The following IQCJ variants were observed in gnomAD, a reference collection of about 807,000 sequenced individuals.
The protein encoded by IQCJ is IQ motif containing J.
Under a neutral mutation model 11.0 loss-of-function variants are expected in IQCJ, and 9 were observed. That is an observed-to-expected ratio of 0.82 (90% CI 0.49 to 1.43). The LOEUF (loss-of-function observed/expected upper bound fraction) is 1.43. Ranked by LOEUF, IQCJ falls within the 40% of genes most tolerant of loss-of-function variation. The pLI, the probability that IQCJ is intolerant of heterozygous loss-of-function variation, is 0.00. For synonymous variants in IQCJ, 55 were observed against 51.3 expected (o/e 1.07, Z -0.31); for missense variants, 146 against 133.2 (o/e 1.10, Z -0.47).
At chr3:159,234,041 G>A (rs947318391) in intron 1 of IQCJ, among the ~76,000 whole-genome samples, 1 of 152,090 alleles carries the variant, frequency 6.6e-6, no homozygotes, top group African/African-American at 2.4e-5. Flanking sequence ...TACTCACACT[G>A]GTGTAAGTCC....
chr3:159,187,161 C>T (rs555643233), intron 1 of IQCJ, among the ~76,000 whole-genome samples: 69 of 152,318 alleles, frequency 4.5e-4, no homozygotes, highest in African/African-American at 1.6e-3. Context: ...ATTTACTGAG[C>T]TCTTATTAGA....
intron 1 of IQCJ, among the ~76,000 whole-genome samples, chr3:159,189,960 A>G (rs1050087108): frequency 3.5e-4 from 53 of 152,188 alleles, no homozygotes; most frequent in African/African-American, 1.2e-3. Flanking sequence ...TAACAAACCC[A>G]TTTGTATCAA....
In IQCJ at chr3:159,245,890, A is replaced by G. The variant is rs181641808; in HGVS notation, c.57A>G (p.Gly19=). 1.9e-3 allele frequency: 2,987 copies of G among 1,542,856 alleles called. 3 individuals are homozygous for G. The highest frequency in any genetic ancestry group is 2.4e-3 in the Non-Finnish European group (2,747 of 1,138,768). The change falls in exon 2 of 4, where the codon GGA becomes GGG. Residue 19 remains glycine (G), a synonymous_variant. Transcript: ENST00000397832. ...ATCCTCTAGAACAAGTTAATGATGG[A>G]AAATATTCATTTGAAAAGTAAGTAA... ...LQNPLEQVND[G]KYSFENHQLA...
intron 1 of IQCJ, among the ~76,000 whole-genome samples, chr3:159,193,877 T>C (rs986815581): frequency 3.3e-5 from 5 of 152,214 alleles, no homozygotes; most frequent in South Asian, 2.1e-4. Flanking sequence ...ACTCTCCAAC[T>C]CTACCACCAT....
chr3:159,156,819 A>C (rs1426389467), intron 1 of IQCJ, among the ~76,000 whole-genome samples: 1 of 152,220 alleles, frequency 6.6e-6, no homozygotes, highest in African/African-American at 2.4e-5. Context: ...GCCCCAATCA[A>C]TAAAAAGGCC....
Position 159,095,108 on chromosome 3 carries a change from T to C in IQCJ, c.9+25667T>C, listed in dbSNP as rs566693332. ...TCTTTTTCTATAGTTATTATTATACTGTAGTTCTTAATTTCTTGCCAATCA... is the reference window on the plus strand; with the variant it reads ...TCTTTTTCTATAGTTATTATTATACCGTAGTTCTTAATTTCTTGCCAATCA... On this transcript the variant is annotated intron_variant, in intron 1 of 3. Coordinates refer to ENST00000397832, the MANE Select transcript of IQCJ (RefSeq NM_001042706.3). Among the ~76,000 whole-genome samples the C allele has an allele frequency of 2.6e-5, 4 of 152,026 alleles. No individual in the cohort carries two copies. In the East Asian group the frequency reaches 7.7e-4, roughly 29 times the overall value.
At chr3:159,152,996 T>C (rs1294618713) in intron 1 of IQCJ, among the ~76,000 whole-genome samples, 4 of 152,190 alleles carry the variant, frequency 2.6e-5, no homozygotes, top group African/African-American at 4.8e-5. Flanking sequence ...AAAAAATTAT[T>C]TTGAGTTCCT....
intron 1 of IQCJ, among the ~76,000 whole-genome samples, chr3:159,218,178 A>G (rs7620642): frequency 1.5e-3 from 232 of 152,202 alleles, no homozygotes; most frequent in African/African-American, 5.4e-3. Context: ...ATGTGATGAA[A>G]TGAAGTTTTT....
chr3:159,072,074 T>C (rs77027551), intron 1 of IQCJ, among the ~76,000 whole-genome samples: 1 of 152,274 alleles, frequency 6.6e-6, no homozygotes, highest in East Asian at 1.9e-4. Flanking sequence ...AAAGGAGGTG[T>C]CAAGGAGGGA....
chr3:159,115,247 G>T (rs1236790325), intron 1 of IQCJ, among the ~76,000 whole-genome samples: 1 of 152,104 alleles, frequency 6.6e-6, no homozygotes, highest in Non-Finnish European at 1.5e-5. Context: ...CTCTTCCATG[G>T]CTCTGTCATC....
At chr3:159,257,887 G>A (rs1727987747) in intron 3 of IQCJ, among the ~76,000 whole-genome samples, 1 of 152,144 alleles carries the variant, frequency 6.6e-6, no homozygotes, top group Admixed American at 6.5e-5. Flanking sequence ...CAAACGTAAT[G>A]GGGAGGCAGG....
chr3:159,132,828 A>T (rs1264512976), intron 1 of IQCJ, among the ~76,000 whole-genome samples: 1 of 152,184 alleles, frequency 6.6e-6, no homozygotes, highest in African/African-American at 2.4e-5. Flanking sequence ...TTTTGGAAAG[A>T]AAAGCAAAAA....
At chr3:159,194,666 A>G (rs1723881624) in intron 1 of IQCJ, among the ~76,000 whole-genome samples, 1 of 152,158 alleles carries the variant, frequency 6.6e-6, no homozygotes, top group Non-Finnish European at 1.5e-5. Flanking sequence ...TAGTATATCT[A>G]TTTTAGCATC....
chr3:159,090,371 G>A (rs1457909432), intron 1 of IQCJ, among the ~76,000 whole-genome samples: 3 of 151,806 alleles, frequency 2.0e-5, no homozygotes, highest in Non-Finnish European at 4.4e-5. Flanking sequence ...CTTCTGCGTC[G>A]CTCACGCTGG....
chr3:159,125,152 A>T (rs954470946), intron 1 of IQCJ, among the ~76,000 whole-genome samples: 2 of 152,240 alleles, frequency 1.3e-5, no homozygotes, highest in Non-Finnish European at 2.9e-5. Context: ...TTGATAGTGC[A>T]TGTCCTTGAC....
intron 1 of IQCJ, among the ~76,000 whole-genome samples, chr3:159,171,518 C>T (rs763523291): frequency 6.6e-6 from 1 of 152,166 alleles, no homozygotes. Flanking sequence ...AATGCTGATG[C>T]TGCAGATTCA....
At chr3:159,184,420 T>C (rs1022764198) in intron 1 of IQCJ, among the ~76,000 whole-genome samples, 1 of 152,236 alleles carries the variant, frequency 6.6e-6, no homozygotes, top group Non-Finnish European at 1.5e-5. Flanking sequence ...CTTATAGCTC[T>C]TCTCAATGTC....
At chr3:159,212,739 G>T (rs980136321) in intron 1 of IQCJ, among the ~76,000 whole-genome samples, 2 of 152,152 alleles carry the variant, frequency 1.3e-5, no homozygotes, top group African/African-American at 4.8e-5. Context: ...AATGAATGCT[G>T]GCAATTCATC....
At chr3:159,072,787 A>G (rs1715661413) in intron 1 of IQCJ, among the ~76,000 whole-genome samples, 1 of 152,092 alleles carries the variant, frequency 6.6e-6, no homozygotes, top group Admixed American at 6.6e-5. Context: ...GAGAAGTTTA[A>G]TTAACTTGTC....
Sources: allele counts gnomAD v4.1 joint callset (sites outside exome capture counted in the v4.1 genomes callset), GRCh38; gene constraint gnomAD v4.1.1; transcripts MANE v1.5; gene names NCBI Gene and HGNC (gene_info 2026-07-23, HGNC 2026-07-21).